Variants in ABCA4 observed in about 807,000 individuals in gnomAD.
ABCA4 encodes the protein ATP binding cassette subfamily A member 4.
ABCA4 carries 196 observed loss-of-function variants against 263.7 expected under a neutral mutation model. The observed-to-expected ratio is 0.74, with a 90% CI of 0.66 to 0.84. The LOEUF is 0.84. ABCA4 is among the 40% of genes least tolerant of loss of function. The probability of loss-of-function intolerance (pLI) is 0.00; values close to 1 mark genes in which losing one functional copy is unlikely to be tolerated. For synonymous variants in ABCA4, 1,133 were observed against 1,094.2 expected (o/e 1.04, Z -0.70); for missense variants, 2,792 against 2,855.1 (o/e 0.98, Z 0.50).
chr1:94,049,395 G>A lies in ABCA4; in HGVS notation c.2654-438C>T, dbSNP rs374840425. Among the ~76,000 whole-genome samples the A allele has an allele frequency of 1.5e-4, 23 of 152,314 alleles. 1 individual carries two copies. In the East Asian group the frequency reaches 2.5e-3, roughly 17 times the overall value. On this transcript the variant is annotated intron_variant, in intron 17 of 49. Coordinates refer to ENST00000370225, the MANE Select transcript of ABCA4 (RefSeq NM_000350.3). ...AATCCCAGCACTTTGGGAGGCCAAT[G>A]TAGGCGTATCATGAGGTCAGGAGTT...
intron 28 of ABCA4, 27 bp downstream of exon 28, chr1:94,030,969 G>T: frequency 6.2e-7 from 1 of 1,613,724 alleles, no homozygotes; most frequent in Non-Finnish European, 8.5e-7. Context: ...ACCCACAGAG[G>T]AGAATGGTGA....
At chr1:94,042,960 C>A in intron 21 of ABCA4, 62 bp from the exon 22 acceptor site, 1 of 1,608,862 alleles carries the variant, frequency 6.2e-7, no homozygotes, top group East Asian at 2.2e-5. Context: ...GAGAAAGGCC[C>A]AGGGCAAGTG....
chr1:94,000,772 G>GAGAAC, intron 47 of ABCA4, 64 bp downstream of exon 47: 7 of 1,534,546 alleles, frequency 4.6e-6, no homozygotes, highest in Non-Finnish European at 6.3e-6. Flanking sequence ...AGTGTCAATG[G>GAGAAC]AGAACACAGG....
intron 31 of ABCA4, 120 bp from the exon 32 acceptor site, chr1:94,023,538 T>C: frequency 1.1e-6 from 1 of 898,328 alleles, no homozygotes; most frequent in South Asian, 1.4e-5. Flanking sequence ...TTTTTGCATT[T>C]TCCGATATCC....
Position 93,998,099 on chromosome 1 carries a change from C to G in ABCA4, c.6491G>C (p.Gly2164Ala). ...TTTGATCTTCATTGTGACGATATAG[C>G]CATCTCCAAATCTAGGGGATGCACA... is the stretch of plus-strand genomic sequence containing the variant. ...IQHLKSKFGD[G>A]YIVTMKIKSP... Residue 2164 changes from glycine (G) to alanine (A), a missense_variant, in exon 48 of 50, where the codon GGC becomes GCC. Transcript: ENST00000370225. The G allele has an allele frequency of 6.2e-7, 1 of 1,614,162 alleles. No individual in the cohort carries two copies.
rs61751379 is a variant in ABCA4, at chr1:93,998,092, G to T, written c.6498C>A (p.Ile2166=). ...TCGGGGATTTGATCTTCATTGTGACGATATAGCCATCTCCAAATCTAGGGG... is the reference window on the plus strand; with the variant it reads ...TCGGGGATTTGATCTTCATTGTGACTATATAGCCATCTCCAAATCTAGGGG... ...HLKSKFGDGY[I]VTMKIKSPKD... is the part of the protein sequence containing the mutation. The change falls in exon 48 of 50, where the codon ATC becomes ATA. Residue 2166 remains isoleucine (I), a synonymous_variant. Transcript: ENST00000370225. 2 of 1,614,160 alleles carry T rather than the reference G, an allele frequency of 1.2e-6. No individual in the cohort carries two copies. The highest frequency in any genetic ancestry group is 3.3e-5 in the Admixed American group (2 of 60,030).
Position 94,001,034 on chromosome 1 carries a change from T to C in ABCA4, c.6354A>G (p.Arg2118=). The C allele has an allele frequency of 6.2e-7, 1 of 1,614,176 alleles. No individual in the cohort carries two copies. The highest frequency in any genetic ancestry group is 8.5e-7 in the Non-Finnish European group (1 of 1,180,036). ...ATGTGAGGACCACAGCCCTCCCTTC[T>C]CTGATGATGCTCACGATGACGTTCC... ...MLWNVIVSII[R]EGRAVVLTSH... The change falls in exon 46 of 50, where the codon AGA becomes AGG. Residue 2118 remains arginine (R), a synonymous_variant. Transcript: ENST00000370225.
In ABCA4 at chr1:94,027,743, T is replaced by C. The variant is rs17110887; in HGVS notation, c.4539+1702A>G. On this transcript the variant is annotated intron_variant, in intron 30 of 49. Transcript: ENST00000370225. ...CTGCTGCCTTAGCCATAGCCTTTTT[T>C]GTTGGGTTTGTAAGTGGAAGTACTA... 0.03 allele frequency among the ~76,000 whole-genome samples: 4,614 copies of C among 152,286 alleles called. 223 individuals are homozygous for C. The highest frequency in any genetic ancestry group is 0.1 in the African/African-American group (4,316 of 41,528).
Position 94,015,874 on chromosome 1 carries a change from A to T in ABCA4, c.5197-20T>A. 1 of 1,601,880 alleles carries T rather than the reference A, an allele frequency of 6.2e-7. No homozygotes were observed. On this transcript the variant is annotated intron_variant, in intron 36 of 49. Coordinates refer to ENST00000370225, the MANE Select transcript of ABCA4 (RefSeq NM_000350.3). ...ATTCATCTCGGAAAGAGAAGAGGAG[A>T]GCAAGTCACTTAACCTCTCAGACCT...
chr1:94,024,266 C>T (rs1231824240), intron 31 of ABCA4, among the ~76,000 whole-genome samples: 3 of 152,174 alleles, frequency 2.0e-5, no homozygotes, highest in Non-Finnish European at 2.9e-5. Context: ...AGGATCCTCT[C>T]TCCTGGCATG....
Position 94,000,911 on chromosome 1 carries a change from G to A in ABCA4, c.6404C>T (p.Ala2135Val), listed in dbSNP as rs1659154841. Residue 2135 changes from alanine (A) to valine (V), a missense_variant, in exon 47 of 50, where the codon GCA becomes GTA. By Grantham distance (64) the Ala-to-Val change is moderately conservative. Coordinates refer to ENST00000370225, the MANE Select transcript of ABCA4 (RefSeq NM_000350.3). ...LTSHSMEECE[A>V]LCTRLAIMVK... ...CATGATGGCCAGCCGGGTACACAGTGCCTCACATTCTTCCATGCTGTGGGG... is the reference window on the plus strand; with the variant it reads ...CATGATGGCCAGCCGGGTACACAGTACCTCACATTCTTCCATGCTGTGGGG... 6.2e-7 allele frequency: 1 copy of A among 1,614,220 alleles called. No individual in the cohort carries two copies. The highest frequency in any genetic ancestry group is 8.5e-7 in the Non-Finnish European group (1 of 1,180,040).
chr1:94,033,279 C>A (rs1011260033), intron 26 of ABCA4, among the ~76,000 whole-genome samples: 2 of 151,896 alleles, frequency 1.3e-5, no homozygotes, highest in African/African-American at 4.8e-5. Context: ...AAGAAATTAG[C>A]CAGGCACGGT....
At chr1:94,105,960 C>A (rs1662422672) in intron 4 of ABCA4, among the ~76,000 whole-genome samples, 1 of 152,214 alleles carries the variant, frequency 6.6e-6, no homozygotes, top group Non-Finnish European at 1.5e-5. Context: ...CCTGAGGAGT[C>A]CGTGCTCACA....
intron 32 of ABCA4, among the ~76,000 whole-genome samples, chr1:94,023,056 C>T (rs1463390702): frequency 2.6e-5 from 4 of 152,144 alleles, no homozygotes; most frequent in Non-Finnish European, 5.9e-5. Context: ...AGGAGTGTCC[C>T]GGGTTTAGGC....
intron 43 of ABCA4, among the ~76,000 whole-genome samples, chr1:94,006,739 C>T (rs192221898): frequency 1.9e-4 from 29 of 152,310 alleles, no homozygotes; most frequent in African/African-American, 6.3e-4. Flanking sequence ...CTCGTCCTGC[C>T]CACTGGGCAT....
At chr1:94,063,889 G>A (rs770938441) in intron 11 of ABCA4, among the ~76,000 whole-genome samples, 16 of 152,194 alleles carry the variant, frequency 1.1e-4, no homozygotes, top group Non-Finnish European at 1.8e-4. Context: ...AGTAATGCTG[G>A]GGGAGGAGGA....
chr1:94,031,238 G>C, intron 27 of ABCA4, 118 bp from the exon 28 acceptor site: 1 of 1,392,856 alleles, frequency 7.2e-7, no homozygotes, highest in Middle Eastern at 1.9e-4. Flanking sequence ...ATCAGCCCCT[G>C]GTGGAGAGGG....
At chr1:94,072,811 C>A (rs557466926) in intron 11 of ABCA4, among the ~76,000 whole-genome samples, 19 of 152,322 alleles carry the variant, frequency 1.2e-4, no homozygotes, top group African/African-American at 4.6e-4. Context: ...TGCCTTCTAA[C>A]TGGGCCGTCT....
intron 26 of ABCA4, among the ~76,000 whole-genome samples, chr1:94,033,521 A>C (rs1660263750): frequency 6.6e-6 from 1 of 152,114 alleles, no homozygotes; most frequent in African/African-American, 2.4e-5. Context: ...AAACCATTGC[A>C]AGTTGTCGGT....
Sources: allele counts gnomAD v4.1 joint callset (sites outside exome capture counted in the v4.1 genomes callset), GRCh38; gene constraint gnomAD v4.1.1; transcripts MANE v1.5; gene names NCBI Gene and HGNC (gene_info 2026-07-23, HGNC 2026-07-21).